Variants in FGF13 observed in about 807,000 individuals in gnomAD.
FGF13 encodes fibroblast growth factor homologous factor 2.
In FGF13, 2 loss-of-function variants were observed where a neutral mutation model predicts 19.5. The observed-to-expected ratio is 0.10, with a 90% CI of 0.04 to 0.32. FGF13 has a LOEUF of 0.32. FGF13 is among the 10% of genes least tolerant of loss of function. The pLI is 1.00. For missense variants in FGF13, 113 were observed against 192.7 expected, an observed-to-expected ratio of 0.59 and a Z score of 2.45; for synonymous variants, 72 against 76.9, an observed-to-expected ratio of 0.94 and a Z score of 0.33.
At chrX:138,921,561 C>T (rs2091645291) in intron 1 of FGF13, among the ~76,000 whole-genome samples, 1 of 111,296 alleles carries the variant, frequency 9.0e-6, no homozygotes, top group African/African-American at 3.3e-5. Flanking sequence ...TTCCAACTTT[C>T]GTGGTATTTC....
At chrX:139,091,149 T>C (rs2083438317) in intron 1 of FGF13, among the ~76,000 whole-genome samples, 1 of 110,412 alleles carries the variant, frequency 9.1e-6, no homozygotes, top group African/African-American at 3.3e-5. Context: ...GGGATCTAAG[T>C]AGAGCACAAA....
At chrX:138,781,562 T>C (rs1181602532) in intron 3 of FGF13, among the ~76,000 whole-genome samples, 10 of 109,894 alleles carry the variant, frequency 9.1e-5, no homozygotes, top group African/African-American at 3.3e-4. Context: ...AACTAGAAAA[T>C]CTAGAAGAAA....
chrX:139,019,809 A>G (rs2092169668), intron 1 of FGF13, among the ~76,000 whole-genome samples: 1 of 110,840 alleles, frequency 9.0e-6, no homozygotes, highest in South Asian at 3.9e-4. Context: ...AGAAAAAAAA[A>G]GGGCTTAATA....
chrX:138,965,244 G>A (rs913750879), intron 1 of FGF13, among the ~76,000 whole-genome samples: 1 of 111,875 alleles, frequency 8.9e-6, no homozygotes, highest in African/African-American at 3.2e-5. Context: ...CATCTCTCAG[G>A]CTGTGTTAGG....
intron 1 of FGF13, among the ~76,000 whole-genome samples, chrX:138,717,078 G>A (rs1242332138): frequency 8.9e-6 from 1 of 112,023 alleles, no homozygotes; most frequent in Non-Finnish European, 1.9e-5. Context: ...GAACATTAAA[G>A]CCATAAAACG....
intron 3 of FGF13, among the ~76,000 whole-genome samples, chrX:138,639,945 A>C (rs2089231087): frequency 9.1e-6 from 1 of 110,277 alleles, no homozygotes; most frequent in Non-Finnish European, 1.9e-5. Context: ...GTGAGCCGAG[A>C]CTGCACCACC....
rs752245007 is a variant in FGF13, at chrX:138,899,030, C to CCATGGAATT, written c.-112-34381_-112-34380insAATTCCATG. Among the ~76,000 whole-genome samples, 505 of 111,705 alleles carry CCATGGAATT rather than the reference C, an allele frequency of 4.5e-3. 5 individuals are homozygous for CCATGGAATT. The highest frequency in any genetic ancestry group is 0.016 in the African/African-American group (485 of 30,737). On this transcript the variant is annotated intron_variant, in intron 1 of 2. Transcript: ENST00000421460. ...CTGGCCTCCCCTCCCTGCTCCATCA[C>CCATGGAATT]GATTCCAGCCGTCAAGTCCATGGAA...
At chrX:139,026,481 G>C (rs1283720215) in intron 1 of FGF13, among the ~76,000 whole-genome samples, 1 of 111,929 alleles carries the variant, frequency 8.9e-6, no homozygotes, top group Non-Finnish European at 1.9e-5. Flanking sequence ...TAAACAATTG[G>C]CCAATTGGCA....
At chrX:139,127,875 T>C (rs897909739) in intron 1 of FGF13, among the ~76,000 whole-genome samples, 1 of 110,542 alleles carries the variant, frequency 9.0e-6, no homozygotes, top group African/African-American at 3.3e-5. Context: ...CAAAACCACA[T>C]CCCATCACTA....
At position 138,711,280 on chromosome X, in the gene FGF13, A is replaced by G. The variant is rs1483837817; in HGVS notation, c.-277T>C. 19 of 968,757 alleles carry G rather than the reference A, an allele frequency of 2.0e-5. No homozygotes were observed. Among genetic ancestry groups the G allele is most frequent in the Non-Finnish European group, 1.9e-5 (15 of 775,509 alleles). The allele number at this position is 968,757 out of a possible 1,213,427, so 79.8% of individuals were successfully genotyped here. A position where few individuals can be genotyped will look rare whatever the true frequency, so the allele number is the denominator to read the frequency against. On this transcript the variant is annotated 5_prime_UTR_variant, in exon 1 of 5. Coordinates refer to ENST00000315930, the MANE Select transcript of FGF13 (RefSeq NM_004114.5). ...CCCCGGGCCCGGGATCGCGGGCGAG[A>G]CTGGCACGCGGATGCTGAACTGCGC...
At chrX:138,884,561 C>T (rs1238290470) in intron 1 of FGF13, among the ~76,000 whole-genome samples, 1 of 112,273 alleles carries the variant, frequency 8.9e-6, no homozygotes, top group African/African-American at 3.2e-5. Context: ...TTCAGATTTT[C>T]CAGCCACAGC....
intron 1 of FGF13, among the ~76,000 whole-genome samples, chrX:139,060,063 T>G (rs2092331909): frequency 8.9e-6 from 1 of 111,892 alleles, no homozygotes; most frequent in Non-Finnish European, 1.9e-5. Flanking sequence ...TAATATATAC[T>G]AATTTGATGG....
chrX:138,888,614 G>C (rs1416614226), intron 1 of FGF13, among the ~76,000 whole-genome samples: 1 of 109,524 alleles, frequency 9.1e-6, no homozygotes, highest in Non-Finnish European at 1.9e-5. Context: ...TGAGGAGAGA[G>C]AAGAGGTGTT....
Position 138,617,118 on chromosome X carries a change from T to C in FGF13, c.*15732A>G, listed in dbSNP as rs1290288950. ...TATTTGTAGTGATAGGAATATTCTA[T>C]ATCTTGAAAGGAGTTTCTGTTACAT... On this transcript the variant is annotated 3_prime_UTR_variant, in exon 5 of 5. Coordinates refer to ENST00000315930, the MANE Select transcript of FGF13 (RefSeq NM_004114.5). 1 of 111,936 alleles carries C rather than the reference T, an allele frequency of 8.9e-6. No homozygotes were observed. Among genetic ancestry groups the C allele is most frequent in the African/African-American group, 3.2e-5 (1 of 30,785 alleles). The allele number at this position is 111,936 out of a possible 1,213,427, so 9.2% of individuals were successfully genotyped here. A position where few individuals can be genotyped will look rare whatever the true frequency, so the allele number is the denominator to read the frequency against.
chrX:139,108,010 A>C (rs1026688916), intron 1 of FGF13, among the ~76,000 whole-genome samples: 3 of 111,663 alleles, frequency 2.7e-5, no homozygotes, highest in Non-Finnish European at 5.6e-5. Context: ...AAGACTGTGA[A>C]GACCAAATGA....
intron 3 of FGF13, among the ~76,000 whole-genome samples, chrX:138,673,752 G>A (rs1321828651): frequency 9.0e-6 from 1 of 111,318 alleles, no homozygotes; most frequent in African/African-American, 3.3e-5. Flanking sequence ...GAGAAAGAAA[G>A]AAAAGAACAA....
intron 1 of FGF13, among the ~76,000 whole-genome samples, chrX:138,736,982 G>A (rs765462760): frequency 2.4e-4 from 27 of 111,300 alleles, no homozygotes; most frequent in Admixed American, 1.4e-3. Context: ...AGCTAAATAA[G>A]GTAGGTTAAA....
chrX:138,778,077 G>T (rs778940218), intron 3 of FGF13, among the ~76,000 whole-genome samples: 1 of 111,633 alleles, frequency 9.0e-6, no homozygotes, highest in East Asian at 2.8e-4. Flanking sequence ...GAACAGCTCC[G>T]GTCTACAGCT....
At chrX:138,803,951 C>T (rs780381029) in intron 3 of FGF13, among the ~76,000 whole-genome samples, 3 of 111,488 alleles carry the variant, frequency 2.7e-5, no homozygotes, top group African/African-American at 9.8e-5. Context: ...GGCAGCATAG[C>T]GTGTGGCTTG....
Sources: allele counts gnomAD v4.1 joint callset (sites outside exome capture counted in the v4.1 genomes callset), GRCh38; gene constraint gnomAD v4.1.1; transcripts MANE v1.5; gene names NCBI Gene and HGNC (gene_info 2026-07-23, HGNC 2026-07-21).